The following THSD4 variants were observed in gnomAD, a reference collection of about 807,000 sequenced individuals.
The protein encoded by THSD4 is thrombospondin type 1 domain containing 4, also known as thrombospondin type-1 domain-containing protein 4.
Under a neutral mutation model 119.0 loss-of-function variants are expected in THSD4, and 69 were observed. That is an observed-to-expected ratio of 0.58 (90% CI 0.48 to 0.71). The LOEUF is 0.71. Ranked by LOEUF, THSD4 falls within the 30% of genes least tolerant of loss-of-function variation. THSD4 has a pLI of 0.00. For synonymous variants in THSD4, 524 were observed against 540.4 expected (o/e 0.97, Z 0.42); for missense variants, 1,393 against 1,391.1 (o/e 1.00, Z -0.02).
intron 7 of THSD4, among the ~76,000 whole-genome samples, chr15:71,538,745 T>G (rs2048719408): frequency 6.6e-6 from 1 of 152,232 alleles, no homozygotes; most frequent in South Asian, 2.1e-4. Context: ...GGGACCATAG[T>G]TGAGAACCTC....
chr15:71,113,531 A>G (rs1390952015), upstream of THSD4: 3 of 152,170 alleles, frequency 2.0e-5, no homozygotes. Context: ...TATGTGATGA[A>G]CTCACTCCGT....
intron 7 of THSD4, among the ~76,000 whole-genome samples, chr15:71,598,023 TC>T (rs2049938089): frequency 6.6e-6 from 1 of 152,092 alleles, no homozygotes; most frequent in Non-Finnish European, 1.5e-5. Flanking sequence ...GTTCAGGCCT[TC>T]AAGGTGCTCC....
rs1022713970 is a variant in THSD4, at chr15:71,173,567, C to CACAT, written c.99+18636_99+18637insCATA. Among the ~76,000 whole-genome samples, 1,277 of 145,922 alleles carry CACAT rather than the reference C, an allele frequency of 8.8e-3. 13 individuals are homozygous for CACAT. The highest frequency in any genetic ancestry group is 0.03 in the African/African-American group (1,207 of 39,658). On this transcript the variant is annotated intron_variant, in intron 3 of 17. Coordinates refer to ENST00000261862, the MANE Select transcript of THSD4 (RefSeq NM_024817.3). Reference sequence around the variant, plus strand: ...AAAAATAGACCTACACACACACACACATATATATATATATATATATACATT... The same window carrying CACAT: ...AAAAATAGACCTACACACACACACACACATATATATATATATATATATATACATT...
At chr15:71,253,651 G>A (rs904281342) in intron 5 of THSD4, among the ~76,000 whole-genome samples, 2 of 152,056 alleles carry the variant, frequency 1.3e-5, no homozygotes, top group Non-Finnish European at 2.9e-5. Context: ...CAAGTGATCC[G>A]TCTGCCTCGG....
At chr15:71,719,607 A>T (rs950614097) in intron 8 of THSD4, among the ~76,000 whole-genome samples, 1 of 152,234 alleles carries the variant, frequency 6.6e-6, no homozygotes, top group Non-Finnish European at 1.5e-5. Flanking sequence ...TTCTCAGAAC[A>T]GTGTTTTAAA....
At chr15:71,322,340 A>G (rs539203332) in intron 6 of THSD4, among the ~76,000 whole-genome samples, 1 of 152,246 alleles carries the variant, frequency 6.6e-6, no homozygotes, top group South Asian at 2.1e-4. Flanking sequence ...ATCCAGAAAA[A>G]TGTGTCAGAA....
Position 71,242,633 on chromosome 15 carries a change from G to A in THSD4, c.465-16G>A. Reference sequence around the variant, plus strand: ...TCCGACTCTGATCATCTCCTCTCTTGTCTATCTCTCTTTAGGAGCAGGACC... The same window carrying A: ...TCCGACTCTGATCATCTCCTCTCTTATCTATCTCTCTTTAGGAGCAGGACC... On this transcript the variant is annotated splice_polypyrimidine_tract_variant and intron_variant, in intron 4 of 17. Coordinates refer to ENST00000261862, the MANE Select transcript of THSD4 (RefSeq NM_024817.3). 3 of 1,608,756 alleles carry A rather than the reference G, an allele frequency of 1.9e-6. 1 individual carries two copies. The highest frequency in any genetic ancestry group is 2.2e-5 in the South Asian group (2 of 90,738).
At position 71,409,663 on chromosome 15, in the gene THSD4, G is replaced by C. The variant is rs75026335; in HGVS notation, c.1016-2024G>C. Among the ~76,000 whole-genome samples, 516 of 152,284 alleles carry C rather than the reference G, an allele frequency of 3.4e-3. 2 individuals are homozygous for C. The highest frequency in any genetic ancestry group is 0.012 in the African/African-American group (498 of 41,556). ...AGACGATGCAGTCTTCCTGAACCAT[G>C]TGGTCCCAGAGGCTCCATGTGATTT... is the stretch of plus-strand genomic sequence containing the variant. On this transcript the variant is annotated intron_variant, in intron 6 of 17. Coordinates refer to ENST00000261862, the MANE Select transcript of THSD4 (RefSeq NM_024817.3).
chr15:71,689,234 C>G (rs2051991110), intron 8 of THSD4, among the ~76,000 whole-genome samples: 2 of 152,218 alleles, frequency 1.3e-5, no homozygotes, highest in Non-Finnish European at 2.9e-5. Context: ...GGTGTGGCCT[C>G]TCTGCTCTGG....
intron 3 of THSD4, among the ~76,000 whole-genome samples, chr15:71,214,266 C>CCAGTCCCTG (rs1297418665): frequency 6.6e-6 from 1 of 151,706 alleles, no homozygotes; most frequent in African/African-American, 2.4e-5. Flanking sequence ...TCCAGTCCCT[C>CCAGTCCCTG]CAGTCCCTCC....
At chr15:71,485,767 A>T (rs1310024198) in intron 7 of THSD4, among the ~76,000 whole-genome samples, 1 of 152,174 alleles carries the variant, frequency 6.6e-6, no homozygotes. Context: ...TTTACTGGTA[A>T]ATATTTTAGT....
intron 6 of THSD4, among the ~76,000 whole-genome samples, chr15:71,407,897 C>T (rs1474365123): frequency 6.6e-6 from 1 of 152,162 alleles, no homozygotes. Context: ...GCAGGTGATG[C>T]TGGTGCTGCC....
intron 7 of THSD4, among the ~76,000 whole-genome samples, chr15:71,458,964 A>T (rs2047376779): frequency 6.6e-6 from 1 of 152,012 alleles, no homozygotes; most frequent in Admixed American, 6.6e-5. Flanking sequence ...CAAGTTCTTT[A>T]CTTTGCTAGA....
intron 7 of THSD4, among the ~76,000 whole-genome samples, chr15:71,444,571 C>T (rs1258065319): frequency 6.6e-6 from 1 of 152,248 alleles, no homozygotes; most frequent in Non-Finnish European, 1.5e-5. Flanking sequence ...CACAGCACCT[C>T]ACGCTGCACG....
At chr15:71,462,367 G>A (rs931619239) in intron 7 of THSD4, among the ~76,000 whole-genome samples, 1 of 152,172 alleles carries the variant, frequency 6.6e-6, no homozygotes, top group African/African-American at 2.4e-5. Flanking sequence ...GTGTTGCCCA[G>A]GCTGGTCTCA....
At chr15:71,348,183 C>T (rs2045693016) in intron 6 of THSD4, 1 of 152,210 alleles carries the variant, frequency 6.6e-6, no homozygotes, top group Non-Finnish European at 1.5e-5. Flanking sequence ...TCCAGGTTGT[C>T]TTTTCGGCTC....
intron 3 of THSD4, among the ~76,000 whole-genome samples, chr15:71,169,815 G>A (rs1359583213): frequency 1.3e-5 from 2 of 152,150 alleles, no homozygotes; most frequent in Non-Finnish European, 2.9e-5. Flanking sequence ...CCTGGTCTTG[G>A]TGCAGGGAGG....
chr15:71,736,699 A>G (rs2053119240), intron 10 of THSD4, among the ~76,000 whole-genome samples: 1 of 151,578 alleles, frequency 6.6e-6, no homozygotes, highest in African/African-American at 2.4e-5. Flanking sequence ...TCTCTCTCTC[A>G]AAATGTGCCC....
intron 8 of THSD4, among the ~76,000 whole-genome samples, chr15:71,699,381 T>A (rs987732565): frequency 1.6e-5 from 1 of 63,302 alleles, no homozygotes; most frequent in Non-Finnish European, 2.8e-5. Flanking sequence ...CCCGGCTAAT[T>A]TTTTTGTATT....
Sources: gnomAD v4.1 joint callset for allele counts (sites outside exome capture counted in the v4.1 genomes callset) on GRCh38, gnomAD v4.1.1 for gene constraint, MANE v1.5 for transcripts, NCBI Gene and HGNC (gene_info 2026-07-23, HGNC 2026-07-21) for gene names.